The following DNAJC16 variants were observed in gnomAD, a reference collection of about 807,000 sequenced individuals.
DNAJC16 encodes DnaJ heat shock protein family (Hsp40) member C16, also known as dnaJ homolog subfamily C member 16.
Under a neutral mutation model 92.7 loss-of-function variants are expected in DNAJC16, and 76 were observed. That is an observed-to-expected ratio of 0.82 (90% CI 0.68 to 0.99). The LOEUF (loss-of-function observed/expected upper bound fraction) is 0.99, where lower values mean the gene tolerates loss of function less well. DNAJC16 is among the 50% of genes least tolerant of loss of function. The pLI, the probability that DNAJC16 is intolerant of heterozygous loss-of-function variation, is 0.00. For synonymous variants in DNAJC16, 328 were observed against 358.7 expected (o/e 0.91, Z 0.97); for missense variants, 869 against 942.4 (o/e 0.92, Z 1.02).
chr1:15,531,218 A>G (rs1183142139), intron 2 of DNAJC16, among the ~76,000 whole-genome samples: 1 of 151,692 alleles, frequency 6.6e-6, no homozygotes, highest in Non-Finnish European at 1.5e-5. Flanking sequence ...GAGGTGATGC[A>G]TGGTACAGAC....
chr1:15,561,331 G>A (rs182481624), intron 8 of DNAJC16, among the ~76,000 whole-genome samples: 66 of 152,240 alleles, frequency 4.3e-4, no homozygotes, highest in Non-Finnish European at 8.7e-4. Context: ...GTGGCCTCTG[G>A]CCTGAGAGAG....
rs181355970 is a variant in DNAJC16, at chr1:15,546,881, A to C, written c.864+10A>C. 1 of 1,491,950 alleles carries C rather than the reference A, an allele frequency of 6.7e-7. No homozygotes were observed. The highest frequency in any genetic ancestry group is 2.3e-5 in the East Asian group (1 of 43,172). 92.4% of individuals were successfully genotyped at this position (1,491,950 alleles called of 1,614,324 possible). A position where few individuals can be genotyped will look rare whatever the true frequency, so the allele number is the denominator to read the frequency against. ...GCCACTGTTATACAAGGTACTTTCT[A>C]TGCTAGGATAATGGTTTCTTTTTCT... On this transcript the variant is annotated intron_variant, in intron 6 of 14. Transcript: ENST00000375847.
intron 11 of DNAJC16, 91 bp downstream of exon 11, chr1:15,564,450 C>A: frequency 1.0e-5 from 9 of 898,250 alleles, no homozygotes; most frequent in Non-Finnish European, 1.7e-5. Context: ...TATTAAATTT[C>A]AAGGTACACT....
chr1:15,547,460 G>A (rs1348102362), intron 6 of DNAJC16, among the ~76,000 whole-genome samples: 8 of 123,826 alleles, frequency 6.5e-5, no homozygotes, highest in East Asian at 2.3e-4. Flanking sequence ...TTTTTTTTTC[G>A]GAGACCAAGT....
At chr1:15,557,792 A>G (rs1214167165) in intron 7 of DNAJC16, among the ~76,000 whole-genome samples, 1 of 149,498 alleles carries the variant, frequency 6.7e-6, no homozygotes, top group South Asian at 2.1e-4. Context: ...GAGTGTAGTG[A>G]TGTCATCATG....
Position 15,559,604 on chromosome 1 carries a change from CAGA to C in DNAJC16, c.1105_1107del (p.Lys369del). 2.5e-6 allele frequency: 4 copies of C among 1,614,148 alleles called. No homozygotes were observed. The highest frequency in any genetic ancestry group is 1.1e-5 in the South Asian group (1 of 91,084). On this transcript the variant is annotated inframe_deletion, in exon 8 of 15. Transcript: ENST00000375847. ...TCTATTGGCAGCCAGGCTCACCAGC[CAGA>C]AGTTGTTCCATGAACTCTGCCCTGT...
chr1:15,530,692 T>G (rs1710634565), intron 2 of DNAJC16, among the ~76,000 whole-genome samples: 1 of 151,982 alleles, frequency 6.6e-6, no homozygotes, highest in African/African-American at 2.4e-5. Flanking sequence ...GATATCAGTA[T>G]CTCTTTTTTT....
At chr1:15,545,907 T>C (rs1230650333) in intron 5 of DNAJC16, among the ~76,000 whole-genome samples, 1 of 152,220 alleles carries the variant, frequency 6.6e-6, no homozygotes, top group Non-Finnish European at 1.5e-5. Flanking sequence ...CTCAGGAATA[T>C]TTTAAGATAT....
intron 2 of DNAJC16, among the ~76,000 whole-genome samples, chr1:15,533,033 C>T (rs185507531): frequency 5.9e-5 from 9 of 152,160 alleles, no homozygotes; most frequent in African/African-American, 2.2e-4. Context: ...CTTTCCAGAA[C>T]CTATGTCAGA....
chr1:15,562,070 T>G, intron 8 of DNAJC16, 72 bp from the exon 9 acceptor site: 1 of 1,483,930 alleles, frequency 6.7e-7, no homozygotes, highest in Non-Finnish European at 9.1e-7. Flanking sequence ...CTTCTTCACC[T>G]TCACTTGCCA....
intron 2 of DNAJC16, among the ~76,000 whole-genome samples, chr1:15,531,649 G>A (rs2103402036): frequency 6.6e-6 from 1 of 152,300 alleles, no homozygotes; most frequent in Admixed American, 6.5e-5. Context: ...AGGGTGTTAT[G>A]ATATTAATTA....
intron 2 of DNAJC16, among the ~76,000 whole-genome samples, chr1:15,532,972 A>G (rs180807704): frequency 5.3e-5 from 8 of 152,138 alleles, no homozygotes; most frequent in Non-Finnish European, 8.8e-5. Context: ...TTTTATTCCA[A>G]TGTGCTTGGT....
rs1306850107 is a variant in DNAJC16 at position 15,544,518 on chromosome 1, G to T, written c.694G>T (p.Ala232Ser). Residue 232 changes from alanine (A) to serine (S), a missense_variant, in exon 5 of 15, where the codon GCA becomes TCA. Coordinates refer to ENST00000375847, the MANE Select transcript of DNAJC16 (RefSeq NM_015291.4). ...INGKISFFHNAVVRENLRQFV... is the reference protein window; with the variant it reads ...INGKISFFHNSVVRENLRQFV... ...CGGGAAAATCTCCTTCTTCCACAAT[G>T]CAGTTGTCCGTGAAAATCTGCGACA... 1 of 1,614,170 alleles carries T rather than the reference G, an allele frequency of 6.2e-7. No homozygotes were observed. The highest frequency in any genetic ancestry group is 1.7e-5 in the Admixed American group (1 of 60,010).
At chr1:15,552,689 C>A (rs1378550285) in intron 7 of DNAJC16, among the ~76,000 whole-genome samples, 1 of 150,102 alleles carries the variant, frequency 6.7e-6, no homozygotes, top group East Asian at 1.9e-4. Flanking sequence ...AGGAAGTCAT[C>A]TTCTCATTTG....
chr1:15,534,506 G>A lies in DNAJC16; in HGVS notation c.234+203G>A, dbSNP rs572178256. Among the ~76,000 whole-genome samples the A allele has an allele frequency of 1.1e-4, 16 of 152,068 alleles. No individual in the cohort carries two copies. The South Asian group carries it at 1.2e-3, about 12-fold the overall frequency. ...TGGGAGGCCGAGGTGGGTGGATCACGAGGTCAGGAGTTCGAGACCAGCCTG... is the reference window on the plus strand; with the variant it reads ...TGGGAGGCCGAGGTGGGTGGATCACAAGGTCAGGAGTTCGAGACCAGCCTG... On this transcript the variant is annotated intron_variant, in intron 3 of 14. Coordinates refer to ENST00000375847, the MANE Select transcript of DNAJC16 (RefSeq NM_015291.4).
rs141889637 is a variant in DNAJC16, at chr1:15,549,267, G to A, written c.1023+839G>A. 2.1e-3 allele frequency among the ~76,000 whole-genome samples: 317 copies of A among 152,272 alleles called. 1 individual carries two copies. Among genetic ancestry groups the A allele is most frequent in the African/African-American group, 6.7e-3 (280 of 41,558 alleles). Reference sequence around the variant, plus strand: ...ACATACTGAATTAGAGCTGCCTGTAGGAAATAGAAGGGGAGAAGTCCTTTC... The same window carrying A: ...ACATACTGAATTAGAGCTGCCTGTAAGAAATAGAAGGGGAGAAGTCCTTTC... On this transcript the variant is annotated intron_variant, in intron 7 of 14. Transcript: ENST00000375847.
intron 6 of DNAJC16, among the ~76,000 whole-genome samples, chr1:15,547,869 C>G (rs529889834): frequency 6.6e-6 from 1 of 152,042 alleles, no homozygotes; most frequent in African/African-American, 2.4e-5. Flanking sequence ...ATGATTCCCC[C>G]ACTACACTCC....
chr1:15,556,193 T>A (rs1408495314), intron 7 of DNAJC16, among the ~76,000 whole-genome samples: 1 of 150,796 alleles, frequency 6.6e-6, no homozygotes, highest in East Asian at 2.0e-4. Flanking sequence ...TTTTTTCTGT[T>A]TGCTGGTATA....
At position 15,564,014 on chromosome 1, in the gene DNAJC16, A is replaced by G; in HGVS notation, c.1424A>G (p.Lys475Arg). ...EDPWIGSESD[K>R]FILLGYLDQL... ...CCTTGGATTGGGAGTGAGAGTGACA[A>G]ATTTATCCTCTTGGGCTATCTCGAC... Residue 475 changes from lysine (K) to arginine (R), a missense_variant, in exon 10 of 15, where the codon AAA becomes AGA. By Grantham distance (26) the Lys-to-Arg change is conservative. Coordinates refer to ENST00000375847, the MANE Select transcript of DNAJC16 (RefSeq NM_015291.4). 2 of 1,613,828 alleles carry G rather than the reference A, an allele frequency of 1.2e-6. No individual in the cohort carries two copies. Among genetic ancestry groups the G allele is most frequent in the Non-Finnish European group, 1.7e-6 (2 of 1,179,668 alleles).
Sources: allele counts gnomAD v4.1 joint callset (sites outside exome capture counted in the v4.1 genomes callset), GRCh38; gene constraint gnomAD v4.1.1; transcripts MANE v1.5; gene names NCBI Gene and HGNC (gene_info 2026-07-23, HGNC 2026-07-21).